PKP4: variants seen among roughly 807,000 people sequenced by gnomAD.
PKP4 encodes plakophilin-4.
In PKP4, 90 loss-of-function variants were observed where a neutral mutation model predicts 145.1. That is an observed-to-expected ratio of 0.62 (90% CI 0.52 to 0.74). The LOEUF (loss-of-function observed/expected upper bound fraction) is 0.74. Among genes scored for constraint, PKP4 ranks in the 30% least tolerant of loss-of-function variants. PKP4 has a pLI of 0.00. For missense variants in PKP4, 1,340 were observed against 1,482.7 expected (o/e 0.90, Z 1.58); for synonymous variants, 563 against 577.2 (o/e 0.98, Z 0.35).
At chr2:158,601,959 C>T (rs1308892266) in intron 3 of PKP4, among the ~76,000 whole-genome samples, 2 of 152,126 alleles carry the variant, frequency 1.3e-5, no homozygotes, top group Non-Finnish European at 2.9e-5. Flanking sequence ...AGCCCAGAGT[C>T]ACACTCCTTT....
chr2:158,503,584 T>C (rs1696894027), intron 1 of PKP4, among the ~76,000 whole-genome samples: 1 of 152,240 alleles, frequency 6.6e-6, no homozygotes, highest in Non-Finnish European at 1.5e-5. Context: ...TCATTTCTCA[T>C]TGAAATTTTA....
chr2:158,546,715 G>C (rs370680964), intron 2 of PKP4, among the ~76,000 whole-genome samples: 2 of 152,140 alleles, frequency 1.3e-5, no homozygotes, highest in African/African-American at 4.8e-5. Context: ...ACAGGTTAAG[G>C]ATAAAGAGCA....
At chr2:158,661,144 T>C (rs1207498268) in intron 12 of PKP4, 189 bp from the exon 13 acceptor site, 1 of 510,204 alleles carries the variant, frequency 2.0e-6, no homozygotes. Flanking sequence ...TTCCCTTCCA[T>C]GTGTGGATAA....
intron 1 of PKP4, among the ~76,000 whole-genome samples, chr2:158,499,439 G>A (rs1163770722): frequency 6.6e-6 from 1 of 152,142 alleles, no homozygotes; most frequent in East Asian, 1.9e-4. Context: ...TTAGTTCCTT[G>A]TGACCCAGTT....
intron 10 of PKP4, 69 bp downstream of exon 10, chr2:158,640,828 G>C: frequency 6.5e-7 from 1 of 1,538,076 alleles, no homozygotes; most frequent in Non-Finnish European, 9.0e-7. Context: ...ACGTGCTTCT[G>C]TATTTAAGAA....
chr2:158,504,237 T>C (rs901019235), intron 1 of PKP4, among the ~76,000 whole-genome samples: 4 of 152,226 alleles, frequency 2.6e-5, no homozygotes, highest in Non-Finnish European at 5.9e-5. Context: ...ACTTTTATAC[T>C]GTCAACATTG....
chr2:158,529,577 G>A (rs1456732076), intron 1 of PKP4, among the ~76,000 whole-genome samples: 4 of 152,188 alleles, frequency 2.6e-5, no homozygotes, highest in South Asian at 2.1e-4. Context: ...GTCCCAAGGA[G>A]CCTGAAGGAA....
intron 1 of PKP4, among the ~76,000 whole-genome samples, chr2:158,499,462 A>G (rs1696233399): frequency 6.6e-6 from 1 of 152,224 alleles, no homozygotes; most frequent in African/African-American, 2.4e-5. Flanking sequence ...GTTTCCAGCT[A>G]TAGAGAAACT....
intron 1 of PKP4, among the ~76,000 whole-genome samples, chr2:158,504,185 T>A (rs1036831041): frequency 6.6e-6 from 1 of 152,206 alleles, no homozygotes; most frequent in Non-Finnish European, 1.5e-5. Flanking sequence ...GTACATTTGC[T>A]ACTTTAATAA....
At position 158,666,406 on chromosome 2, in the gene PKP4, T is replaced by G; in HGVS notation, c.2578-7T>G. ...TATGTTACTTCCTGCCTTATTTTTCTCACTAGTTTGCAGCATATATCCGGG... is the reference window on the plus strand; with the variant it reads ...TATGTTACTTCCTGCCTTATTTTTCGCACTAGTTTGCAGCATATATCCGGG... On this transcript the variant is annotated splice_region_variant and splice_polypyrimidine_tract_variant and intron_variant, in intron 15 of 21. Transcript: ENST00000389759. The G allele has an allele frequency of 1.9e-6, 3 of 1,575,280 alleles. No individual in the cohort carries two copies. Among genetic ancestry groups the G allele is most frequent in the Non-Finnish European group, 2.6e-6 (3 of 1,165,430 alleles).
rs573214662 is a variant in PKP4, at chr2:158,644,008, C to T, written c.1909+1309C>T. ...CTCCAACTTCTGACCTCAGGTGATCCGCCCGCCTCAGCCTCTCAAAGTGCT... is the reference window on the plus strand; with the variant it reads ...CTCCAACTTCTGACCTCAGGTGATCTGCCCGCCTCAGCCTCTCAAAGTGCT... On this transcript the variant is annotated intron_variant, in intron 11 of 21. Coordinates refer to ENST00000389759, the MANE Select transcript of PKP4 (RefSeq NM_003628.6). 1.9e-4 allele frequency among the ~76,000 whole-genome samples: 29 copies of T among 152,222 alleles called. No homozygotes were observed. The East Asian group carries it at 3.5e-3, about 18-fold the overall frequency.
chr2:158,475,878 C>T (rs1239752394), intron 1 of PKP4, among the ~76,000 whole-genome samples: 1 of 152,186 alleles, frequency 6.6e-6, no homozygotes, highest in Non-Finnish European at 1.5e-5. Flanking sequence ...CAACCCAATA[C>T]AGACTGTTAT....
intron 1 of PKP4, among the ~76,000 whole-genome samples, chr2:158,485,304 T>G (rs1694004643): frequency 2.6e-5 from 4 of 152,232 alleles, no homozygotes; most frequent in Admixed American, 2.0e-4. Context: ...AAGCCAATTA[T>G]TATTAGCCCT....
rs1377232285 is a variant in PKP4 at position 158,673,916 on chromosome 2, G to C, written c.3043G>C (p.Val1015Leu). The change falls in exon 19 of 22, where the codon GTG becomes CTG. Residue 1015 changes from valine (V) to leucine (L), a missense_variant. Val to Leu is a conservative substitution (Grantham distance 32). Transcript: ENST00000389759. ...GAATCAGAACCATTTTATTACACCTGTGTCGACATTGGAGCGAGACCGATT... is the reference window on the plus strand; with the variant it reads ...GAATCAGAACCATTTTATTACACCTCTGTCGACATTGGAGCGAGACCGATT... Reference protein sequence around the residue: ...GWNQNHFITPVSTLERDRFKS... With the variant: ...GWNQNHFITPLSTLERDRFKS... The C allele has an allele frequency of 1.2e-6, 2 of 1,612,784 alleles. No individual in the cohort carries two copies. Among genetic ancestry groups the C allele is most frequent in the South Asian group, 2.2e-5 (2 of 91,058 alleles).
chr2:158,514,800 G>T (rs2041805654), intron 1 of PKP4, among the ~76,000 whole-genome samples: 2 of 152,096 alleles, frequency 1.3e-5, no homozygotes, highest in African/African-American at 4.8e-5. Context: ...AATTAGCCAG[G>T]CGTGGTGTCA....
chr2:158,530,469 TCA>T (rs1438146041), intron 1 of PKP4, among the ~76,000 whole-genome samples: 3 of 148,620 alleles, frequency 2.0e-5, no homozygotes, highest in Non-Finnish European at 4.5e-5. Flanking sequence ...GCCTAATTTC[TCA>T]CAGTCTCTTT....
chr2:158,517,566 T>C (rs2042032962), intron 1 of PKP4, among the ~76,000 whole-genome samples: 1 of 152,190 alleles, frequency 6.6e-6, no homozygotes, highest in African/African-American at 2.4e-5. Context: ...GTGTGGTTGA[T>C]ACGTAAGTAG....
chr2:158,612,335 A>T (rs1311136379), intron 4 of PKP4, among the ~76,000 whole-genome samples: 2 of 152,226 alleles, frequency 1.3e-5, no homozygotes, highest in Non-Finnish European at 2.9e-5. Flanking sequence ...CAGTATATAA[A>T]GCCCTATTTC....
intron 1 of PKP4, among the ~76,000 whole-genome samples, chr2:158,499,684 G>A (rs140930620): frequency 2.6e-4 from 40 of 152,196 alleles, no homozygotes; most frequent in South Asian, 8.3e-4. Flanking sequence ...CAATGGCAGC[G>A]TGTTCTAAGT....
Sources: gnomAD v4.1 joint callset for allele counts (sites outside exome capture counted in the v4.1 genomes callset) on GRCh38, gnomAD v4.1.1 for gene constraint, MANE v1.5 for transcripts, NCBI Gene and HGNC (gene_info 2026-07-23, HGNC 2026-07-21) for gene names.